The following IMMP2L variants were observed in gnomAD, a reference collection of about 807,000 sequenced individuals.
IMMP2L encodes inner mitochondrial membrane peptidase subunit 2.
In IMMP2L, 18 loss-of-function variants were observed where a neutral mutation model predicts 19.3. The observed-to-expected ratio is 0.93, with a 90% CI of 0.64 to 1.38. The LOEUF (loss-of-function observed/expected upper bound fraction) is 1.38. Among genes scored for constraint, IMMP2L ranks in the 40% most tolerant of loss-of-function variants. The pLI is 0.00. For synonymous variants in IMMP2L, 76 were observed against 73.0 expected, an observed-to-expected ratio of 1.04 and a Z score of -0.21; for missense variants, 233 against 218.2, an observed-to-expected ratio of 1.07 and a Z score of -0.43.
intron 5 of IMMP2L, among the ~76,000 whole-genome samples, chr7:110,859,990 A>G (rs1807221804): frequency 6.6e-6 from 1 of 152,100 alleles, no homozygotes; most frequent in Non-Finnish European, 1.5e-5. Context: ...TTAACCTAAA[A>G]CATTAATATG....
At chr7:110,682,439 T>C (rs1463027924) in intron 5 of IMMP2L, among the ~76,000 whole-genome samples, 2 of 152,156 alleles carry the variant, frequency 1.3e-5, no homozygotes, top group African/African-American at 4.8e-5. Context: ...AAATACATGA[T>C]ATAAAATGGA....
In IMMP2L at chr7:110,689,289, G is replaced by A. The variant is rs549199682; in HGVS notation, c.409-25568C>T. Among the ~76,000 whole-genome samples the A allele has an allele frequency of 4.6e-4, 70 of 152,154 alleles. 1 individual carries two copies. Among genetic ancestry groups the A allele is most frequent in the Admixed American group, 8.5e-4 (13 of 15,274 alleles). On this transcript the variant is annotated intron_variant, in intron 5 of 5. Transcript: ENST00000405709. Reference sequence around the variant, plus strand: ...GTTTCCTTTATAAAGATTTTTAATGGGAATTTTTTAAAAGGAGCAAAGAGA... The same window carrying A: ...GTTTCCTTTATAAAGATTTTTAATGAGAATTTTTTAAAAGGAGCAAAGAGA...
rs574416002 is a variant in IMMP2L at position 111,436,612 on chromosome 7, A to T, written c.239+50626T>A. ...AAAAATCAAAATAAAGTAACCCAAAAATTTTTAAGCCCTAAATATTTTATT... is the reference window on the plus strand; with the variant it reads ...AAAAATCAAAATAAAGTAACCCAAATATTTTTAAGCCCTAAATATTTTATT... On this transcript the variant is annotated intron_variant, in intron 3 of 5. Coordinates refer to ENST00000405709, the MANE Select transcript of IMMP2L (RefSeq NM_032549.4). Among the ~76,000 whole-genome samples, 55 of 151,916 alleles carry T rather than the reference A, an allele frequency of 3.6e-4. 1 individual carries two copies. The highest frequency in any genetic ancestry group is 6.2e-4 in the South Asian group (3 of 4,824).
At chr7:111,287,925 A>C (rs1356899190) in intron 3 of IMMP2L, among the ~76,000 whole-genome samples, 1 of 152,182 alleles carries the variant, frequency 6.6e-6, no homozygotes, top group Non-Finnish European at 1.5e-5. Context: ...ATAAAGCTGG[A>C]AAATATAATC....
chr7:110,668,162 A>T (rs1791592817), intron 5 of IMMP2L, among the ~76,000 whole-genome samples: 1 of 151,948 alleles, frequency 6.6e-6, no homozygotes, highest in East Asian at 1.9e-4. Context: ...CTGATTACTC[A>T]GTTGGGGAAT....
At chr7:111,485,596 T>TAAAAA (rs1563252291) in intron 3 of IMMP2L, among the ~76,000 whole-genome samples, 1 of 890 alleles carries the variant, frequency 1.1e-3, no homozygotes, top group African/African-American at 2.0e-3. Context: ...AGACTCTGTT[T>TAAAAA]CAAAAAAAAA....
At chr7:110,947,286 A>C (rs1817362479) in intron 4 of IMMP2L, among the ~76,000 whole-genome samples, 1 of 152,160 alleles carries the variant, frequency 6.6e-6, no homozygotes, top group Non-Finnish European at 1.5e-5. Context: ...TTTATTGTTA[A>C]GGATGTTGCA....
intron 3 of IMMP2L, among the ~76,000 whole-genome samples, chr7:111,259,259 CCTAGGACTTTACTG>C (rs1817051826): frequency 6.6e-6 from 1 of 152,030 alleles, no homozygotes; most frequent in Non-Finnish European, 1.5e-5. Context: ...AACCTGAAGG[CCTAGGACTTTACTG>C]CACTACTGTT....
chr7:110,967,697 G>T (rs149203056), intron 3 of IMMP2L, among the ~76,000 whole-genome samples: 1 of 151,998 alleles, frequency 6.6e-6, no homozygotes, highest in Non-Finnish European at 1.5e-5. Context: ...CGAATATTCT[G>T]GGGATGGCTT....
At chr7:110,702,712 T>C (rs1315985791) in intron 5 of IMMP2L, among the ~76,000 whole-genome samples, 1 of 152,178 alleles carries the variant, frequency 6.6e-6, no homozygotes, top group Non-Finnish European at 1.5e-5. Flanking sequence ...AATTTTCAAT[T>C]GTTTATTGCT....
chr7:111,459,065 TAGC>T (rs1460914693), intron 3 of IMMP2L, among the ~76,000 whole-genome samples: 4 of 152,104 alleles, frequency 2.6e-5, no homozygotes, highest in Non-Finnish European at 5.9e-5. Flanking sequence ...TTATTGAAAA[TAGC>T]CACTAAAAAA....
intron 3 of IMMP2L, among the ~76,000 whole-genome samples, chr7:110,987,654 C>T (rs1169889356): frequency 1.3e-5 from 2 of 152,142 alleles, no homozygotes; most frequent in African/African-American, 4.8e-5. Flanking sequence ...CAATGTTTCT[C>T]ACAGCCTTTC....
intron 3 of IMMP2L, among the ~76,000 whole-genome samples, chr7:111,333,810 T>C (rs1455242267): frequency 1.3e-5 from 2 of 152,144 alleles, no homozygotes; most frequent in East Asian, 3.9e-4. Context: ...GTTCTTCACC[T>C]TTGTAATTCG....
At chr7:110,831,352 T>A (rs1043724975) in intron 5 of IMMP2L, among the ~76,000 whole-genome samples, 1 of 152,174 alleles carries the variant, frequency 6.6e-6, no homozygotes, top group Admixed American at 6.5e-5. Flanking sequence ...ACATTCAGGT[T>A]CCTTATCTAA....
At chr7:111,540,336 G>A (rs930425529) in intron 1 of IMMP2L, among the ~76,000 whole-genome samples, 1 of 152,114 alleles carries the variant, frequency 6.6e-6, no homozygotes, top group Non-Finnish European at 1.5e-5. Context: ...TCTTCCAACA[G>A]AAACCTCCTG....
rs867394112 is a variant in IMMP2L, at chr7:111,556,022, A to G, written c.-3+5829T>C. Among the ~76,000 whole-genome samples, 738 of 121,548 alleles carry G rather than the reference A, an allele frequency of 6.1e-3. 69 individuals are homozygous for G. The highest frequency in any genetic ancestry group is 0.019 in the African/African-American group (598 of 31,126). 79.7% of individuals were successfully genotyped at this position (121,548 alleles called of 152,430 possible). A position where few individuals can be genotyped will look rare whatever the true frequency, so the allele number is the denominator to read the frequency against. On this transcript the variant is annotated intron_variant, in intron 1 of 5. Coordinates refer to ENST00000405709, the MANE Select transcript of IMMP2L (RefSeq NM_032549.4). ...CCATCCCTCTTCTGTGTGCATGTAT[A>G]TATATATATATATACATACCCAAAG...
At chr7:111,215,125 C>T (rs1811799297) in intron 3 of IMMP2L, among the ~76,000 whole-genome samples, 1 of 152,092 alleles carries the variant, frequency 6.6e-6, no homozygotes. Flanking sequence ...TTAAAAGTGT[C>T]AATGGTTGCA....
At chr7:111,109,883 T>A (rs199759876) in intron 3 of IMMP2L, among the ~76,000 whole-genome samples, 1 of 152,074 alleles carries the variant, frequency 6.6e-6, no homozygotes, top group South Asian at 2.1e-4. Flanking sequence ...TGCCTGTAAT[T>A]CCAGCACTTT....
At chr7:111,190,728 T>A (rs1220152829) in intron 3 of IMMP2L, among the ~76,000 whole-genome samples, 2 of 152,138 alleles carry the variant, frequency 1.3e-5, no homozygotes, top group African/African-American at 2.4e-5. Context: ...TGACATTACA[T>A]GAGTATATTG....
Sources: gnomAD v4.1 joint callset for allele counts (sites outside exome capture counted in the v4.1 genomes callset) on GRCh38, gnomAD v4.1.1 for gene constraint, MANE v1.5 for transcripts, NCBI Gene and HGNC (gene_info 2026-07-23, HGNC 2026-07-21) for gene names.